Variants in PPARGC1A observed in about 807,000 individuals in gnomAD.
PPARGC1A encodes peroxisome proliferator-activated receptor gamma coactivator 1-alpha.
PPARGC1A carries 25 observed loss-of-function variants against 88.7 expected under a neutral mutation model. The ratio of observed to expected loss-of-function variants is 0.28; its 90% CI spans 0.21 to 0.39. The LOEUF is 0.39. Among genes scored for constraint, PPARGC1A ranks in the 10% least tolerant of loss-of-function variants. The pLI, the probability that PPARGC1A is intolerant of heterozygous loss-of-function variation, is 1.00. For missense variants in PPARGC1A, 880 were observed against 968.7 expected (o/e 0.91, Z 1.22); for synonymous variants, 363 against 355.6 (o/e 1.02, Z -0.24).
the PPARGC1A span, among the ~76,000 whole-genome samples, chr4:24,078,437 T>A: frequency 6.6e-6 from 1 of 152,118 alleles, no homozygotes; most frequent in Non-Finnish European, 1.5e-5. Context: ...TAAAACCTCC[T>A]TATTTTCCTT....
chr4:24,239,085 T>C, the PPARGC1A span, among the ~76,000 whole-genome samples: 2 of 152,092 alleles, frequency 1.3e-5, no homozygotes, highest in African/African-American at 4.8e-5. Context: ...TATCAAGCAA[T>C]GAATCAGAAA....
intron 2 of PPARGC1A, among the ~76,000 whole-genome samples, chr4:23,859,784 A>G (rs189619625): frequency 0.06 from 76 of 1,268 alleles, 3 homozygotes; most frequent in African/African-American, 0.38. Context: ...CCGTCTCAAA[A>G]TAAAATAAAA....
intron 10 of PPARGC1A, among the ~76,000 whole-genome samples, chr4:23,808,183 G>A (rs539312560): frequency 3.3e-5 from 5 of 150,724 alleles, no homozygotes; most frequent in South Asian, 2.1e-4. Context: ...CCCAGGAGGC[G>A]GAGCTTGCAG....
chr4:24,471,901 CG>C, the PPARGC1A span, among the ~76,000 whole-genome samples: 1 of 152,152 alleles, frequency 6.6e-6, no homozygotes, highest in African/African-American at 2.4e-5. The surrounding 1 kb of genome is among the most constrained non-coding windows in gnomAD (Gnocchi z 5.4). Flanking sequence ...AGAGGCGGCT[CG>C]GGCCCCGAGG....
At chr4:23,818,059 T>C (rs1722304136) in intron 7 of PPARGC1A, among the ~76,000 whole-genome samples, 1 of 152,186 alleles carries the variant, frequency 6.6e-6, no homozygotes, top group African/African-American at 2.4e-5. Context: ...TTGATGCCAC[T>C]ACCTTTGCTC....
the PPARGC1A span, among the ~76,000 whole-genome samples, chr4:23,978,762 G>A: frequency 6.6e-6 from 1 of 152,132 alleles, no homozygotes; most frequent in African/African-American, 2.4e-5. Context: ...ACTGGGGAGG[G>A]GGAGAGTGAA....
the PPARGC1A span, among the ~76,000 whole-genome samples, chr4:23,974,402 TC>T: frequency 2.0e-5 from 3 of 152,178 alleles, no homozygotes; most frequent in Admixed American, 1.3e-4. Context: ...TGCTTAATTC[TC>T]ACAGTGACCT....
intron 1 of PPARGC1A, among the ~76,000 whole-genome samples, chr4:23,886,532 G>A (rs894372507): frequency 6.6e-5 from 10 of 152,098 alleles, no homozygotes; most frequent in Admixed American, 1.3e-4. Flanking sequence ...TGCAAAGAAA[G>A]GGCCCTCCTC....
the PPARGC1A span, among the ~76,000 whole-genome samples, chr4:23,950,518 A>G: frequency 6.6e-6 from 1 of 152,154 alleles, no homozygotes; most frequent in Non-Finnish European, 1.5e-5. Flanking sequence ...GGTATCTTGT[A>G]ATGATTTATA....
the PPARGC1A span, among the ~76,000 whole-genome samples, chr4:23,962,172 T>C: frequency 1.3e-5 from 2 of 152,036 alleles, no homozygotes; most frequent in Non-Finnish European, 2.9e-5. Flanking sequence ...AGGGGACAAT[T>C]TTTTTCTAGA....
At chr4:24,422,214 T>C in the PPARGC1A span, among the ~76,000 whole-genome samples, 2 of 152,360 alleles carry the variant, frequency 1.3e-5, no homozygotes, top group African/African-American at 4.8e-5. Context: ...CAGAGTCACA[T>C]AGTTGCAATA....
At chr4:23,857,018 T>G (rs535449614) in intron 2 of PPARGC1A, among the ~76,000 whole-genome samples, 2 of 152,306 alleles carry the variant, frequency 1.3e-5, no homozygotes, top group East Asian at 3.9e-4. Context: ...TGTACTTTCC[T>G]TATATTATTT....
At chr4:23,939,960 C>T in the PPARGC1A span, among the ~76,000 whole-genome samples, 1 of 152,294 alleles carries the variant, frequency 6.6e-6, no homozygotes, top group Non-Finnish European at 1.5e-5. Flanking sequence ...TTCTCATCTT[C>T]CCTCACTTGG....
At chr4:24,058,806 G>T in the PPARGC1A span, among the ~76,000 whole-genome samples, 1 of 152,078 alleles carries the variant, frequency 6.6e-6, no homozygotes, top group Non-Finnish European at 1.5e-5. Context: ...TTAGCCGGGC[G>T]TGGTGGTGCA....
At chr4:24,344,474 T>G in the PPARGC1A span, among the ~76,000 whole-genome samples, 1 of 152,196 alleles carries the variant, frequency 6.6e-6, no homozygotes, top group East Asian at 1.9e-4. Flanking sequence ...GCACTGTGGT[T>G]TTGATTTGCA....
chr4:24,028,798 T>C, the PPARGC1A span, among the ~76,000 whole-genome samples: 1 of 152,218 alleles, frequency 6.6e-6, no homozygotes, highest in South Asian at 2.1e-4. Flanking sequence ...TGTCCCTAGT[T>C]CATGACCAGA....
chr4:24,213,377 A>G, the PPARGC1A span, among the ~76,000 whole-genome samples: 1 of 152,054 alleles, frequency 6.6e-6, no homozygotes, highest in Non-Finnish European at 1.5e-5. Context: ...TGTGTTAGCC[A>G]GAATAGTCTC....
the PPARGC1A span, among the ~76,000 whole-genome samples, chr4:23,926,510 C>T: frequency 6.6e-6 from 1 of 152,168 alleles, no homozygotes. Flanking sequence ...ATCATTTCAG[C>T]CCCTCAACAT....
rs1010176480 is a variant in PPARGC1A at position 23,824,503 on chromosome 4, G to A, written c.763C>T (p.Pro255Ser). The change falls in exon 6 of 13, where the codon CCA becomes TCA. Residue 255 changes from proline to serine, a missense_variant. Coordinates refer to ENST00000264867, the MANE Select transcript of PPARGC1A (RefSeq NM_013261.5). ...QSQSQHLQAKPTTLSLPLTPE... is the reference protein window; with the variant it reads ...QSQSQHLQAKSTTLSLPLTPE... ...GTCAGAGGAAGAGATAAAGTTGTTGGTTTGGCTAAAGAAAAAAAAAAGAAA... is the reference window on the plus strand; with the variant it reads ...GTCAGAGGAAGAGATAAAGTTGTTGATTTGGCTAAAGAAAAAAAAAAGAAA... 1.2e-6 allele frequency: 2 copies of A among 1,601,742 alleles called. No individual in the cohort carries two copies. Among genetic ancestry groups the A allele is most frequent in the South Asian group, 1.1e-5 (1 of 89,808 alleles).
Sources: allele counts gnomAD v4.1 joint callset (sites outside exome capture counted in the v4.1 genomes callset), GRCh38; gene constraint gnomAD v4.1.1; non-coding constraint Gnocchi (gnomAD v3.1); transcripts MANE v1.5; gene names NCBI Gene and HGNC (gene_info 2026-07-23, HGNC 2026-07-21).